The following ZMYM1 variants were observed in gnomAD, a reference collection of about 807,000 sequenced individuals.
The protein encoded by ZMYM1 is zinc finger MYM-type protein 1.
In ZMYM1, 39 loss-of-function variants were observed where a neutral mutation model predicts 60.0. That is an observed-to-expected ratio of 0.65 (90% CI 0.50 to 0.85). The LOEUF (loss-of-function observed/expected upper bound fraction) is 0.85, where lower values mean the gene tolerates loss of function less well. Among genes scored for constraint, ZMYM1 ranks in the 40% least tolerant of loss-of-function variants. ZMYM1 has a pLI of 0.00. For missense variants in ZMYM1, 1,171 were observed against 1,309.5 expected (o/e 0.89, Z 1.63); for synonymous variants, 413 against 454.0 (o/e 0.91, Z 1.15).
chr1:35,106,374 C>T (rs1457479515), intron 6 of ZMYM1, among the ~76,000 whole-genome samples: 3 of 151,948 alleles, frequency 2.0e-5, no homozygotes, highest in African/African-American at 7.3e-5. Flanking sequence ...TTTGGGAGGC[C>T]GAGGCTGGCC....
intron 2 of ZMYM1, among the ~76,000 whole-genome samples, chr1:35,095,220 G>A (rs936691167): frequency 1.3e-5 from 2 of 151,850 alleles, no homozygotes; most frequent in African/African-American, 4.8e-5. Flanking sequence ...ATTAGAGCAA[G>A]CAGGGAAGGC....
intron 9 of ZMYM1, among the ~76,000 whole-genome samples, chr1:35,112,425 A>T (rs183154737): frequency 1.5e-4 from 22 of 149,840 alleles, no homozygotes; most frequent in African/African-American, 5.1e-4. Flanking sequence ...TGATCCGCCC[A>T]CCTTGGCCTC....
intron 1 of ZMYM1, among the ~76,000 whole-genome samples, chr1:35,068,633 C>T (rs1447768533): frequency 7.0e-6 from 1 of 141,856 alleles, no homozygotes; most frequent in African/African-American, 2.7e-5. Context: ...ACTGGAAATC[C>T]ATACGCAAAA....
Position 35,095,800 on chromosome 1 carries a change from A to ATT in ZMYM1, c.97-10_97-9dup. 18 of 1,422,038 alleles carry ATT rather than the reference A, an allele frequency of 1.3e-5. No individual in the cohort carries two copies. The highest frequency in any genetic ancestry group is 3.9e-5 in the South Asian group (3 of 76,094). 88.1% of individuals were successfully genotyped at this position (1,422,038 alleles called of 1,614,324 possible). ...ATTGTATTCACTATTTTTAATTATT[A>ATT]TTTTTTTTTTCTTTTTAGGAGTATT... On this transcript the variant is annotated intron_variant, in intron 2 of 9. Transcript: ENST00000359858.
At chr1:35,067,799 C>T (rs928856822) in intron 1 of ZMYM1, among the ~76,000 whole-genome samples, 4 of 151,534 alleles carry the variant, frequency 2.6e-5, no homozygotes, top group Non-Finnish European at 4.4e-5. Flanking sequence ...AACTTGGATC[C>T]GGAAGGCGGA....
upstream of ZMYM1, chr1:35,079,384 C>T (rs1303860252): frequency 1.3e-5 from 2 of 150,218 alleles, no homozygotes; most frequent in South Asian, 4.3e-4. Context: ...GTCGGCGGGG[C>T]CGTTTCGCTT....
chr1:35,090,146 TC>T (rs1291392811), intron 1 of ZMYM1, among the ~76,000 whole-genome samples: 6 of 152,164 alleles, frequency 3.9e-5, no homozygotes, highest in African/African-American at 1.4e-4. Flanking sequence ...GACCTCGTGA[TC>T]CACCCACCTC....
At position 35,110,378 on chromosome 1, in the gene ZMYM1, A is replaced by G; in HGVS notation, c.892A>G (p.Lys298Glu). Reference sequence around the variant, plus strand: ...GATTGAGACTACGAGTGATTTGGGGAAGACAGAGCTTTTCTGCTCTATTAA... The same window carrying G: ...GATTGAGACTACGAGTGATTTGGGGGAGACAGAGCTTTTCTGCTCTATTAA... ...EMIETTSDLG[K>E]TELFCSINCF... The change falls in exon 7 of 10, where the codon AAG becomes GAG. Residue 298 changes from lysine to glutamate, a missense_variant. Coordinates refer to ENST00000359858, the MANE Select transcript of ZMYM1 (RefSeq NM_024772.5). 6.3e-7 allele frequency: 1 copy of G among 1,595,814 alleles called. No individual in the cohort carries two copies. The highest frequency in any genetic ancestry group is 8.5e-7 in the Non-Finnish European group (1 of 1,172,140).
intron 6 of ZMYM1, among the ~76,000 whole-genome samples, chr1:35,106,781 T>C (rs1198440454): frequency 6.6e-6 from 1 of 151,988 alleles, no homozygotes; most frequent in Non-Finnish European, 1.5e-5. Flanking sequence ...GAAATAATAT[T>C]CCTTTTTTTT....
At chr1:35,074,740 C>T (rs1411015446), upstream of ZMYM1, among the ~76,000 whole-genome samples, 1 of 152,102 alleles carries the variant, frequency 6.6e-6, no homozygotes, top group Non-Finnish European at 1.5e-5. Flanking sequence ...ATGATCTATC[C>T]ATTTTTGAGG....
intron 4 of ZMYM1, among the ~76,000 whole-genome samples, chr1:35,102,361 G>A (rs1185444957): frequency 2.0e-5 from 3 of 152,158 alleles, no homozygotes; most frequent in Non-Finnish European, 2.9e-5. Context: ...TCTTTTACCC[G>A]TGAATGATTT....
At chr1:35,061,451 TATAG>T (rs896037342) in intron 1 of ZMYM1, among the ~76,000 whole-genome samples, 3 of 152,106 alleles carry the variant, frequency 2.0e-5, no homozygotes, top group East Asian at 1.9e-4. Context: ...GATAGATAGA[TATAG>T]ATAGATAGAT....
upstream of ZMYM1, among the ~76,000 whole-genome samples, chr1:35,078,081 A>C (rs1362791589): frequency 6.6e-6 from 1 of 152,168 alleles, no homozygotes; most frequent in Non-Finnish European, 1.5e-5. Flanking sequence ...GGAAGGGAGC[A>C]TTAGAGGAGA....
intron 1 of ZMYM1, among the ~76,000 whole-genome samples, chr1:35,089,738 CT>C (rs71029065): frequency 0.034 from 2,031 of 60,514 alleles, 3 homozygotes; most frequent in Admixed American, 0.079. Flanking sequence ...AGTTGTAAGG[CT>C]TTTTTTTTTT....
chr1:35,079,084 G>C (rs1642232393), upstream of ZMYM1: 1 of 152,060 alleles, frequency 6.6e-6, no homozygotes, highest in African/African-American at 2.4e-5. Context: ...GAGATTTATA[G>C]AAGTTGTCAA....
intron 6 of ZMYM1, among the ~76,000 whole-genome samples, chr1:35,106,572 G>A (rs1643893643): frequency 7.4e-6 from 1 of 134,662 alleles, no homozygotes; most frequent in Non-Finnish European, 1.5e-5. Context: ...TGGCACCATT[G>A]CACTCCAGCC....
upstream of ZMYM1, among the ~76,000 whole-genome samples, chr1:35,078,571 C>T (rs533266403): frequency 4.8e-5 from 4 of 82,916 alleles, no homozygotes; most frequent in South Asian, 1.7e-3. Context: ...TTTTTTGAGA[C>T]GCAGTCTCTC....
At chr1:35,061,492 C>T (rs904509382) in intron 1 of ZMYM1, among the ~76,000 whole-genome samples, 3 of 152,046 alleles carry the variant, frequency 2.0e-5, no homozygotes, top group African/African-American at 7.2e-5. Flanking sequence ...ATATAGACAT[C>T]TTGGCTGGGT....
intron 4 of ZMYM1, among the ~76,000 whole-genome samples, chr1:35,098,859 A>G (rs1374802643): frequency 6.9e-6 from 1 of 145,892 alleles, no homozygotes; most frequent in African/African-American, 2.6e-5. Flanking sequence ...GTAAGCTGAG[A>G]TCAGGCCACT....
Sources: allele counts gnomAD v4.1 joint callset (sites outside exome capture counted in the v4.1 genomes callset), GRCh38; gene constraint gnomAD v4.1.1; transcripts MANE v1.5; gene names NCBI Gene and HGNC (gene_info 2026-07-23, HGNC 2026-07-21).